GRID2: variants seen among roughly 807,000 people sequenced by gnomAD.
The protein encoded by GRID2 is glutamate ionotropic receptor delta type subunit 2, also known as glutamate receptor ionotropic, delta-2.
Under a neutral mutation model 114.8 loss-of-function variants are expected in GRID2, and 33 were observed. The observed-to-expected ratio is 0.29, with a 90% CI of 0.22 to 0.38. The LOEUF (loss-of-function observed/expected upper bound fraction) is 0.38. Among genes scored for constraint, GRID2 ranks in the 10% least tolerant of loss-of-function variants. GRID2 has a pLI of 1.00. For missense variants in GRID2, 1,184 were observed against 1,257.7 expected (o/e 0.94, Z 0.89); for synonymous variants, 505 against 449.9 (o/e 1.12, Z -1.55).
chr4:93,401,007 A>C (rs1029766679), intron 9 of GRID2, among the ~76,000 whole-genome samples: 1 of 151,664 alleles, frequency 6.6e-6, no homozygotes, highest in Non-Finnish European at 1.5e-5. Context: ...TGACTAATTT[A>C]TTTTTCGTAG....
chr4:93,122,365 C>A (rs764950037), intron 4 of GRID2, among the ~76,000 whole-genome samples: 2 of 152,096 alleles, frequency 1.3e-5, no homozygotes, highest in Non-Finnish European at 2.9e-5. Flanking sequence ...ATAATAGAAG[C>A]TTCCAATACC....
At chr4:93,308,452 G>A (rs1426133651) in intron 8 of GRID2, among the ~76,000 whole-genome samples, 4 of 152,022 alleles carry the variant, frequency 2.6e-5, no homozygotes, top group Non-Finnish European at 4.4e-5. Context: ...CTGATTGAAC[G>A]TCTTCAAGAA....
rs145328166 is a variant in GRID2 at position 93,662,480 on chromosome 4, A to G, written c.2360+36045A>G. 3.9e-3 allele frequency among the ~76,000 whole-genome samples: 589 copies of G among 152,310 alleles called. 5 individuals are homozygous for G. Among genetic ancestry groups the G allele is most frequent in the African/African-American group, 0.014 (573 of 41,584 alleles). On this transcript the variant is annotated intron_variant, in intron 14 of 15. Coordinates refer to ENST00000282020, the MANE Select transcript of GRID2 (RefSeq NM_001510.4). ...AAATTTTCAGTGACTTTTTTTTGCA[A>G]TAGAGTAAGCTCTATCTTGATCTGC...
chr4:92,822,276 A>T (rs1221795379), intron 2 of GRID2: 6 of 586,882 alleles, frequency 1.0e-5, no homozygotes, highest in Non-Finnish European at 1.7e-5. Flanking sequence ...ATCGCATGGC[A>T]TGGCATGGCA....
chr4:92,710,497 G>A (rs568520866), intron 2 of GRID2, among the ~76,000 whole-genome samples: 128 of 152,262 alleles, frequency 8.4e-4, no homozygotes, highest in African/African-American at 2.8e-3. Flanking sequence ...AAAAGCAAAC[G>A]TAAGAGGAAT....
chr4:93,247,145 G>C (rs1321210898), intron 8 of GRID2, among the ~76,000 whole-genome samples: 1 of 151,996 alleles, frequency 6.6e-6, no homozygotes, highest in Non-Finnish European at 1.5e-5. Context: ...TGACTGATGG[G>C]GTACAATTCT....
intron 1 of GRID2, among the ~76,000 whole-genome samples, chr4:92,358,180 A>G (rs1165630505): frequency 6.6e-6 from 1 of 151,990 alleles, no homozygotes; most frequent in African/African-American, 2.4e-5. Flanking sequence ...GGATGCCTAG[A>G]GCATAGAAGG....
chr4:93,471,612 A>G (rs2149434947), intron 11 of GRID2, among the ~76,000 whole-genome samples: 2 of 151,678 alleles, frequency 1.3e-5, no homozygotes, highest in South Asian at 4.2e-4. Flanking sequence ...GCTTGAAACA[A>G]TTCTCAAGAT....
chr4:92,760,766 G>A (rs989239771), intron 2 of GRID2, among the ~76,000 whole-genome samples: 2 of 152,132 alleles, frequency 1.3e-5, no homozygotes, highest in African/African-American at 4.8e-5. Context: ...TTTATGATAT[G>A]CTATTTTTCA....
At chr4:93,304,017 A>C (rs2149173070) in intron 8 of GRID2, among the ~76,000 whole-genome samples, 1 of 151,810 alleles carries the variant, frequency 6.6e-6, no homozygotes, top group South Asian at 2.1e-4. Flanking sequence ...TCATTCACCA[A>C]CCTCAGAATT....
chr4:92,879,620 C>T (rs761365518), intron 2 of GRID2, among the ~76,000 whole-genome samples: 7 of 152,198 alleles, frequency 4.6e-5, no homozygotes, highest in Non-Finnish European at 1.0e-4. Flanking sequence ...AGCTTTATTC[C>T]CAGGGCCTAA....
At chr4:92,792,768 A>G (rs1024400949) in intron 2 of GRID2, among the ~76,000 whole-genome samples, 4 of 151,822 alleles carry the variant, frequency 2.6e-5, no homozygotes, top group Non-Finnish European at 5.9e-5. Context: ...AAAAGTTACT[A>G]TATTTTAATT....
At chr4:93,397,527 T>C (rs1222198316) in intron 9 of GRID2, among the ~76,000 whole-genome samples, 2 of 151,980 alleles carry the variant, frequency 1.3e-5, no homozygotes, top group Non-Finnish European at 2.9e-5. Context: ...TTTAAGCAAA[T>C]AGTTATTTCG....
intron 14 of GRID2, among the ~76,000 whole-genome samples, chr4:93,745,569 A>G (rs912625219): frequency 3.9e-5 from 6 of 152,092 alleles, no homozygotes; most frequent in Non-Finnish European, 7.4e-5. Flanking sequence ...AGATACTTCC[A>G]TGAGTGAAAA....
rs111326462 is a variant in GRID2 at position 92,736,598 on chromosome 4, A to G, written c.244+146312A>G. Among the ~76,000 whole-genome samples the G allele has an allele frequency of 1.0e-3, 156 of 152,170 alleles. 2 individuals carry two copies. The highest frequency in any genetic ancestry group is 3.6e-3 in the African/African-American group (148 of 41,546). On this transcript the variant is annotated intron_variant, in intron 2 of 15. Transcript: ENST00000282020. ...ATATGCCATTACCAAATACAACAAC[A>G]TGCCTCATTAGCAACAAACACGTAC...
intron 14 of GRID2, among the ~76,000 whole-genome samples, chr4:93,713,087 G>A (rs1435541263): frequency 1.3e-5 from 2 of 152,112 alleles, no homozygotes; most frequent in African/African-American, 2.4e-5. Context: ...TTCTTGAAAT[G>A]AGTTCAACTT....
chr4:93,358,627 G>A (rs1206964521), intron 8 of GRID2, among the ~76,000 whole-genome samples: 1 of 151,882 alleles, frequency 6.6e-6, no homozygotes, highest in African/African-American at 2.4e-5. Flanking sequence ...ACAAAAAAGT[G>A]CTGATAAAAC....
intron 2 of GRID2, among the ~76,000 whole-genome samples, chr4:92,661,343 A>G (rs1386537585): frequency 6.6e-6 from 1 of 150,882 alleles, no homozygotes; most frequent in African/African-American, 2.4e-5. Context: ...GTAAGATTTC[A>G]TTTTCCTAAA....
At chr4:92,714,400 A>G (rs1464593382) in intron 2 of GRID2, among the ~76,000 whole-genome samples, 1 of 152,086 alleles carries the variant, frequency 6.6e-6, no homozygotes, top group Non-Finnish European at 1.5e-5. Flanking sequence ...CAGGCACATT[A>G]TGCAAGCTGT....
Sources: allele counts gnomAD v4.1 joint callset (sites outside exome capture counted in the v4.1 genomes callset), GRCh38; gene constraint gnomAD v4.1.1; transcripts MANE v1.5; gene names NCBI Gene and HGNC (gene_info 2026-07-23, HGNC 2026-07-21).